The following HSD17B12 variants were observed in gnomAD, a reference collection of about 807,000 sequenced individuals.
The protein encoded by HSD17B12 is very-long-chain 3-oxoacyl-CoA reductase.
In HSD17B12, 32 loss-of-function variants were observed where a neutral mutation model predicts 39.3. The ratio of observed to expected loss-of-function variants is 0.81; its 90% confidence interval spans 0.61 to 1.09. The LOEUF is 1.09. HSD17B12 is among the 50% of genes least tolerant of loss of function. HSD17B12 has a pLI of 0.00. For missense variants in HSD17B12, 342 were observed against 382.9 expected (o/e 0.89, Z 0.89); for synonymous variants, 150 against 146.7 (o/e 1.02, Z -0.16).
At chr11:43,567,246 A>C in the HSD17B12 span, among the ~76,000 whole-genome samples, 1 of 152,170 alleles carries the variant, frequency 6.6e-6, no homozygotes, top group Non-Finnish European at 1.5e-5. Context: ...AAGCTAGAAC[A>C]CATTCAAAAT....
At chr11:43,731,243 C>T (rs112669478) in intron 1 of HSD17B12, among the ~76,000 whole-genome samples, 328 of 152,238 alleles carry the variant, frequency 2.2e-3, no homozygotes, top group African/African-American at 7.6e-3. Flanking sequence ...GTGATCTGCC[C>T]GCCTCGGCCT....
At chr11:43,630,472 T>G in the HSD17B12 span, among the ~76,000 whole-genome samples, 1 of 152,160 alleles carries the variant, frequency 6.6e-6, no homozygotes, top group African/African-American at 2.4e-5. Context: ...TACTCATGCC[T>G]CTGACTTTGT....
chr11:43,587,199 T>C, the HSD17B12 span, among the ~76,000 whole-genome samples: 20 of 152,312 alleles, frequency 1.3e-4, no homozygotes, highest in African/African-American at 4.8e-4. Context: ...GTTCAACAAA[T>C]GTTTATTGAG....
chr11:43,717,804 CTTTTT>C (rs34501307), intron 1 of HSD17B12, among the ~76,000 whole-genome samples: 9 of 130,198 alleles, frequency 6.9e-5, no homozygotes, highest in Non-Finnish European at 6.5e-5. Flanking sequence ...TCTTCTTCTT[CTTTTT>C]TTTTTTTTTT....
At chr11:43,686,092 C>G (rs549809951) in intron 1 of HSD17B12, among the ~76,000 whole-genome samples, 2 of 152,186 alleles carry the variant, frequency 1.3e-5, no homozygotes, top group Non-Finnish European at 1.5e-5. Context: ...TTCTGTTTAT[C>G]GCTCTGGCAT....
chr11:43,559,933 G>A, the HSD17B12 span, among the ~76,000 whole-genome samples: 2 of 152,274 alleles, frequency 1.3e-5, no homozygotes, highest in Admixed American at 1.3e-4. Context: ...AAATGAACAC[G>A]TAGGGCCCCT....
At chr11:43,714,732 G>A (rs1950104660) in intron 1 of HSD17B12, among the ~76,000 whole-genome samples, 1 of 152,132 alleles carries the variant, frequency 6.6e-6, no homozygotes, top group African/African-American at 2.4e-5. Context: ...CCATTTTCAT[G>A]ATATTGATTC....
chr11:43,709,118 G>T (rs1196379474), intron 1 of HSD17B12, among the ~76,000 whole-genome samples: 5 of 152,034 alleles, frequency 3.3e-5, no homozygotes, highest in Non-Finnish European at 7.4e-5. Context: ...CCCCTCATAA[G>T]CAAGACTTTT....
chr11:43,764,487 C>T (rs1950579406), intron 3 of HSD17B12, among the ~76,000 whole-genome samples: 2 of 152,126 alleles, frequency 1.3e-5, no homozygotes, highest in South Asian at 2.1e-4. Context: ...GTATTGTTCA[C>T]GTCTTCTGTA....
chr11:43,690,400 A>ATTTTTTTTTTTTTTTT (rs1565049826), intron 1 of HSD17B12, among the ~76,000 whole-genome samples: 1 of 27,164 alleles, frequency 3.7e-5, no homozygotes, highest in African/African-American at 2.3e-4. Flanking sequence ...ATATATATAT[A>ATTTTTTTTTTTTTTTT]TATATTTTTT....
At chr11:43,688,283 G>A (rs1949820620) in intron 1 of HSD17B12, among the ~76,000 whole-genome samples, 1 of 152,116 alleles carries the variant, frequency 6.6e-6, no homozygotes, top group African/African-American at 2.4e-5. Context: ...CTACTTTTGT[G>A]CACTTCTTAG....
At chr11:43,840,138 A>G in intron 9 of HSD17B12, 74 bp downstream of exon 9, 1 of 1,205,042 alleles carries the variant, frequency 8.3e-7, no homozygotes, top group Admixed American at 2.1e-5. Flanking sequence ...TGTCTTGGCA[A>G]TAACAAAAAA....
At chr11:43,737,933 C>T (rs1950331037) in intron 1 of HSD17B12, among the ~76,000 whole-genome samples, 2 of 151,768 alleles carry the variant, frequency 1.3e-5, no homozygotes, top group Admixed American at 1.3e-4. Context: ...ATTAGCCAGG[C>T]ATGGTGGCGG....
chr11:43,627,236 A>AT, the HSD17B12 span, among the ~76,000 whole-genome samples: 102,421 of 150,890 alleles, frequency 0.68, 35,012 homozygotes, highest in East Asian at 0.81. Flanking sequence ...TTAGTCCTTG[A>AT]TTTTTTTTTA....
intron 4 of HSD17B12, among the ~76,000 whole-genome samples, chr11:43,814,375 G>A (rs1414858576): frequency 6.6e-6 from 1 of 152,064 alleles, no homozygotes; most frequent in African/African-American, 2.4e-5. Flanking sequence ...GGGTTGTTGT[G>A]ATGATTAAGT....
Position 43,854,758 on chromosome 11 carries a change from G to A in HSD17B12, c.728G>A (p.Arg243Gln), listed in dbSNP as rs541301375. Residue 243 changes from arginine (R) to glutamine (Q), a missense_variant, in exon 10 of 11, where the codon CGG (arginine) becomes CAG (glutamine). Physicochemically the swap from Arg to Gln is conservative, Grantham distance 43. Coordinates refer to ENST00000278353, the MANE Select transcript of HSD17B12 (RefSeq NM_016142.3). ...YFVATKLAKI[R>Q]KPTLDKPSPE... Reference sequence around the variant, plus strand: ...GTAGCTACAAAACTGGCTAAAATCCGGAAGCCAACTTTGGATAAGCCCTCT... The same window carrying A: ...GTAGCTACAAAACTGGCTAAAATCCAGAAGCCAACTTTGGATAAGCCCTCT... 57 of 1,614,116 alleles carry A rather than the reference G, an allele frequency of 3.5e-5. No homozygotes were observed. Among genetic ancestry groups the A allele is most frequent in the Admixed American group, 1.3e-4 (8 of 60,016 alleles).
chr11:43,636,282 CT>C, the HSD17B12 span, among the ~76,000 whole-genome samples: 16 of 152,246 alleles, frequency 1.1e-4, no homozygotes, highest in East Asian at 2.9e-3. Flanking sequence ...GACCGGAAGC[CT>C]TTAGTAGGCT....
At chr11:43,651,610 C>T in the HSD17B12 span, among the ~76,000 whole-genome samples, 14 of 152,306 alleles carry the variant, frequency 9.2e-5, no homozygotes, top group South Asian at 6.2e-4. Flanking sequence ...GAGACAGTCT[C>T]GCTCTGTCGC....
chr11:43,578,000 G>A, the HSD17B12 span, among the ~76,000 whole-genome samples: 6 of 152,176 alleles, frequency 3.9e-5, no homozygotes, highest in East Asian at 3.9e-4. Flanking sequence ...CAGGTGAGGA[G>A]GGAGGAAGAT....
Sources: allele counts gnomAD v4.1 joint callset (sites outside exome capture counted in the v4.1 genomes callset), GRCh38; gene constraint gnomAD v4.1.1; transcripts MANE v1.5; gene names NCBI Gene and HGNC (gene_info 2026-07-23, HGNC 2026-07-21).